Variants in GBA1 observed in about 807,000 individuals in gnomAD.
The protein encoded by GBA1 is lysosomal acid glucosylceramidase.
At chr1:155,236,321 C>G in the GBA1 span, 2 of 1,614,192 alleles carry the variant, frequency 1.2e-6, no homozygotes, top group Non-Finnish European at 1.7e-6. Flanking sequence ...GAACTTGGAG[C>G]CCACACAGGC....
At chr1:155,243,166 G>A in the GBA1 span, among the ~76,000 whole-genome samples, 12 of 152,258 alleles carry the variant, frequency 7.9e-5, no homozygotes, top group African/African-American at 2.9e-4. Context: ...AAGTATCCTC[G>A]TAGATAGCCT....
the GBA1 span, chr1:155,237,669 G>T: frequency 1.9e-6 from 3 of 1,574,690 alleles, no homozygotes; most frequent in Non-Finnish European, 2.6e-6. Flanking sequence ...CCAGCACTTT[G>T]GGAAGCCGAG....
At chr1:155,236,081 A>G in the GBA1 span, 3 of 772,562 alleles carry the variant, frequency 3.9e-6, no homozygotes, top group Non-Finnish European at 2.2e-6. Flanking sequence ...AGGTGTGCAG[A>G]CCTGTGAAGG....
the GBA1 span, chr1:155,236,277 G>A: frequency 1.4e-5 from 22 of 1,614,110 alleles, no homozygotes; most frequent in East Asian, 2.2e-5. Flanking sequence ...TGCATCCCTC[G>A]ATCCCAGGAG....
chr1:155,239,802 C>T, the GBA1 span: 4 of 1,613,978 alleles, frequency 2.5e-6, no homozygotes, highest in African/African-American at 2.7e-5. Flanking sequence ...CAGTACCCAG[C>T]GGGAAACTCC....
chr1:155,243,573 T>C, the GBA1 span, among the ~76,000 whole-genome samples: 1 of 152,080 alleles, frequency 6.6e-6, no homozygotes, highest in African/African-American at 2.4e-5. Flanking sequence ...TAAGCAATCC[T>C]CCCACCTCAG....
the GBA1 span, among the ~76,000 whole-genome samples, chr1:155,236,649 G>A: frequency 1.3e-5 from 2 of 152,066 alleles, no homozygotes; most frequent in Admixed American, 1.3e-4. Flanking sequence ...GTACAGTGGC[G>A]CAATCACGAC....
the GBA1 span, chr1:155,238,313 A>G: frequency 6.4e-7 from 1 of 1,567,142 alleles, no homozygotes; most frequent in Admixed American, 1.9e-5. Flanking sequence ...GTATCTAGAG[A>G]CAAAGGTAGT....
the GBA1 span, among the ~76,000 whole-genome samples, chr1:155,243,007 A>G: frequency 1.3e-5 from 2 of 152,346 alleles, no homozygotes; most frequent in South Asian, 2.1e-4. Context: ...TGTTTCATCT[A>G]TAAAAGGGGA....
At chr1:155,238,944 G>T in the GBA1 span, 1 of 416,044 alleles carries the variant, frequency 2.4e-6, no homozygotes, top group South Asian at 2.1e-5. Context: ...AAAGAAAAGT[G>T]TCAGTGGCTC....
chr1:155,241,031 G>A, the GBA1 span: 30 of 1,491,110 alleles, frequency 2.0e-5, no homozygotes, highest in Non-Finnish European at 2.7e-5. Context: ...TTAAATTCCA[G>A]TGCCAGGATT....
the GBA1 span, among the ~76,000 whole-genome samples, chr1:155,236,908 A>G: frequency 2.0e-5 from 3 of 151,430 alleles, no homozygotes; most frequent in African/African-American, 7.3e-5. Flanking sequence ...TCAGCCTCCC[A>G]GGCTGGAGTG....
chr1:155,235,600 C>T, the GBA1 span: 37 of 1,411,054 alleles, frequency 2.6e-5, no homozygotes, highest in South Asian at 4.9e-5. Flanking sequence ...CCTGCTCCCT[C>T]GTGGTGTAGA....
the GBA1 span, among the ~76,000 whole-genome samples, chr1:155,241,744 G>A: frequency 6.6e-6 from 1 of 152,248 alleles, no homozygotes; most frequent in Non-Finnish European, 1.5e-5. Flanking sequence ...ATCCAGGATG[G>A]CTTCACAGAG....
At chr1:155,236,156 C>A in the GBA1 span, 5 of 1,164,966 alleles carry the variant, frequency 4.3e-6, no homozygotes, top group Non-Finnish European at 5.1e-6. Flanking sequence ...CTGGGGAAAG[C>A]TGGACAGGAA....
At chr1:155,242,251 C>G in the GBA1 span, among the ~76,000 whole-genome samples, 1 of 152,206 alleles carries the variant, frequency 6.6e-6, no homozygotes, top group Non-Finnish European at 1.5e-5. Flanking sequence ...GAGACAGAGT[C>G]TCACTCTGTT....
the GBA1 span, chr1:155,235,187 G>T: frequency 6.8e-6 from 11 of 1,608,168 alleles, no homozygotes; most frequent in Admixed American, 1.7e-5. Flanking sequence ...CCTCACCATT[G>T]CCCTCACCGG....
chr1:155,237,365 C>T, the GBA1 span: 79 of 1,613,862 alleles, frequency 4.9e-5, no homozygotes, highest in Non-Finnish European at 6.4e-5. Context: ...GGGGCAGCAG[C>T]AAGCGTTGGT....
chr1:155,236,050 G>A, the GBA1 span: 31 of 735,534 alleles, frequency 4.2e-5, no homozygotes, highest in Non-Finnish European at 6.8e-5. Context: ...AAGTGCCTCA[G>A]TAGTTGCAAA....
Sources: allele counts gnomAD v4.1 joint callset (sites outside exome capture counted in the v4.1 genomes callset), GRCh38; gene constraint gnomAD v4.1.1; transcripts MANE v1.5; gene names NCBI Gene and HGNC (gene_info 2026-07-23, HGNC 2026-07-21).